The following NELL1 variants were observed in gnomAD, a reference collection of about 807,000 sequenced individuals.
NELL1 encodes the protein protein kinase C-binding protein NELL1.
A neutral mutation model predicts 107.4 loss-of-function variants in NELL1; 76 were observed. The ratio of observed to expected loss-of-function variants is 0.71; its 90% confidence interval spans 0.59 to 0.86. NELL1 has a LOEUF of 0.86. NELL1 is among the 40% of genes least tolerant of loss of function. The pLI is 0.00. For missense variants in NELL1, 1,024 were observed against 1,005.5 expected, an observed-to-expected ratio of 1.02 and a Z score of -0.25; for synonymous variants, 353 against 341.2, an observed-to-expected ratio of 1.03 and a Z score of -0.38.
At chr11:21,367,831 C>G (rs1851263197) in intron 14 of NELL1, among the ~76,000 whole-genome samples, 1 of 152,022 alleles carries the variant, frequency 6.6e-6, no homozygotes, top group South Asian at 2.1e-4. Context: ...ATAATTTCTG[C>G]CAGCCCATCT....
intron 15 of NELL1, among the ~76,000 whole-genome samples, chr11:21,373,495 G>A (rs1484979057): frequency 1.3e-5 from 2 of 152,032 alleles, no homozygotes; most frequent in African/African-American, 4.8e-5. Context: ...GAGCTATATA[G>A]AATCCACTTA....
At chr11:21,522,331 G>A (rs1855746893) in intron 15 of NELL1, among the ~76,000 whole-genome samples, 1 of 152,106 alleles carries the variant, frequency 6.6e-6, no homozygotes, top group African/African-American at 2.4e-5. Context: ...GCATCAACAG[G>A]TGATTAGATA....
At chr11:20,797,565 C>CAAAAAAAAAAAA (rs35016707) in intron 3 of NELL1, among the ~76,000 whole-genome samples, 14 of 69,292 alleles carry the variant, frequency 2.0e-4, no homozygotes, top group African/African-American at 8.7e-4. Context: ...GACTCCATCT[C>CAAAAAAAAAAAA]AAAAAAAAAA....
chr11:21,391,360 G>T (rs1349214009), intron 15 of NELL1, among the ~76,000 whole-genome samples: 1 of 151,564 alleles, frequency 6.6e-6, no homozygotes, highest in Admixed American at 6.6e-5. Flanking sequence ...CAGTGGGCTG[G>T]AGACTTTGAA....
chr11:20,924,368 G>A (rs1236261823), intron 7 of NELL1, among the ~76,000 whole-genome samples: 13 of 151,990 alleles, frequency 8.6e-5, no homozygotes, highest in Admixed American at 7.9e-4. Flanking sequence ...ACAGACAATA[G>A]GACTTCTCAA....
At chr11:20,692,832 G>A (rs1336836559) in intron 2 of NELL1, among the ~76,000 whole-genome samples, 6 of 152,052 alleles carry the variant, frequency 3.9e-5, no homozygotes, top group East Asian at 1.9e-4. Context: ...TTCAATTCCC[G>A]GGTATACTTG....
At chr11:21,056,364 G>T (rs1853615340) in intron 12 of NELL1, among the ~76,000 whole-genome samples, 2 of 152,238 alleles carry the variant, frequency 1.3e-5, no homozygotes, top group South Asian at 4.1e-4. Flanking sequence ...TGGGATCTCA[G>T]GGTAAAGAGG....
intron 2 of NELL1, among the ~76,000 whole-genome samples, chr11:20,722,017 C>CTAT (rs1564879666): frequency 1.4e-5 from 2 of 138,514 alleles, no homozygotes; most frequent in Non-Finnish European, 1.6e-5. Flanking sequence ...TTCTGAGTCT[C>CTAT]TCTTTTTTTT....
chr11:21,041,116 G>C (rs1246013107), intron 12 of NELL1, among the ~76,000 whole-genome samples: 3 of 152,094 alleles, frequency 2.0e-5, no homozygotes, highest in East Asian at 1.9e-4. Context: ...TGATTCCTTT[G>C]GTCATAATTT....
At chr11:20,890,964 A>C (rs554389652) in intron 5 of NELL1, among the ~76,000 whole-genome samples, 1 of 152,180 alleles carries the variant, frequency 6.6e-6, no homozygotes, top group African/African-American at 2.4e-5. Flanking sequence ...GAACCTCCCC[A>C]TCCTAGCAAG....
intron 13 of NELL1, among the ~76,000 whole-genome samples, chr11:21,189,982 A>G (rs908491181): frequency 9.2e-5 from 14 of 151,862 alleles, no homozygotes; most frequent in Middle Eastern, 6.3e-3. Context: ...GACAACAAAC[A>G]GGTCTTGGTT....
rs2134214526 is a variant in NELL1, at chr11:20,960,495, C to T, written c.1235C>T (p.Thr412Ile). 6.2e-7 allele frequency: 1 copy of T among 1,613,904 alleles called. No homozygotes were observed. Among genetic ancestry groups the T allele is most frequent in the South Asian group, 1.1e-5 (1 of 91,070 alleles). The change falls in exon 12 of 20, where the codon ACA (threonine) becomes ATA (isoleucine). Residue 412 changes from threonine (T) to isoleucine (I), a missense_variant. By Grantham distance (89) the Thr-to-Ile change is moderately conservative (BLOSUM62 -1). Coordinates refer to ENST00000357134, the MANE Select transcript of NELL1 (RefSeq NM_006157.5). ...AACTCAGAGTGCAAAAACTGGAATA[C>T]AAAAGCTACTTGTGAGTGCAAGAGT... ...GENSECKNWN[T>I]KATCECKSGY...
chr11:20,825,091 G>A (rs571108662), intron 3 of NELL1, among the ~76,000 whole-genome samples: 5 of 151,466 alleles, frequency 3.3e-5, no homozygotes, highest in African/African-American at 1.2e-4. Context: ...TTTATGTGGT[G>A]TTGGGCCTGT....
chr11:21,551,762 T>C (rs1002716613), intron 16 of NELL1, among the ~76,000 whole-genome samples: 11 of 151,452 alleles, frequency 7.3e-5, no homozygotes, highest in African/African-American at 2.4e-4. Context: ...AGAAATACCA[T>C]TTGACCCAGC....
chr11:21,418,370 T>C (rs1181209297), intron 15 of NELL1, among the ~76,000 whole-genome samples: 1 of 152,126 alleles, frequency 6.6e-6, no homozygotes, highest in African/African-American at 2.4e-5. Context: ...GGTCAACTTA[T>C]CTACTGATTT....
intron 13 of NELL1, among the ~76,000 whole-genome samples, chr11:21,141,952 T>C (rs1364295547): frequency 6.6e-6 from 1 of 152,012 alleles, no homozygotes; most frequent in Non-Finnish European, 1.5e-5. Context: ...TTAGTACAGA[T>C]GGTGTTTTGC....
chr11:20,882,136 A>C (rs980876149), intron 4 of NELL1, among the ~76,000 whole-genome samples: 5 of 152,140 alleles, frequency 3.3e-5, no homozygotes, highest in African/African-American at 7.2e-5. Context: ...TTGTGCTAAG[A>C]TTCTGATTTT....
intron 6 of NELL1, 36 bp from the exon 7 acceptor site, chr11:20,919,216 A>G: frequency 7.9e-7 from 1 of 1,270,742 alleles, no homozygotes; most frequent in Non-Finnish European, 1.1e-6. Context: ...TATTAGCACA[A>G]TATAAATATA....
chr11:20,743,210 C>T (rs1230618410), intron 2 of NELL1, among the ~76,000 whole-genome samples: 1 of 151,966 alleles, frequency 6.6e-6, no homozygotes, highest in Non-Finnish European at 1.5e-5. Flanking sequence ...AAAGATTAGC[C>T]AGGTGTGATG....
Sources: gnomAD v4.1 joint callset for allele counts (sites outside exome capture counted in the v4.1 genomes callset) on GRCh38, gnomAD v4.1.1 for gene constraint, MANE v1.5 for transcripts, NCBI Gene and HGNC (gene_info 2026-07-23, HGNC 2026-07-21) for gene names.